CHRNB4: variants seen among roughly 807,000 people sequenced by gnomAD.
CHRNB4 encodes cholinergic receptor nicotinic beta 4 subunit.
In CHRNB4, 23 loss-of-function variants were observed where a neutral mutation model predicts 40.4. The ratio of observed to expected loss-of-function variants is 0.57; its 90% CI spans 0.41 to 0.81. The LOEUF (loss-of-function observed/expected upper bound fraction) is 0.81, where lower values mean the gene tolerates loss of function less well. Ranked by LOEUF, CHRNB4 falls within the 30% of genes least tolerant of loss-of-function variation. The pLI is 0.00. For synonymous variants in CHRNB4, 285 were observed against 274.4 expected (o/e 1.04, Z -0.38); for missense variants, 568 against 670.6 (o/e 0.85, Z 1.69).
At chr15:78,649,652 G>C (rs1033452488) in intron 6 of CHRNB4, among the ~76,000 whole-genome samples, 1 of 152,046 alleles carries the variant, frequency 6.6e-6, no homozygotes, top group African/African-American at 2.4e-5. Context: ...AAAAAGTTTT[G>C]AATATGTACA....
chr15:78,633,810 G>A (rs2053887174), intron 2 of CHRNB4, among the ~76,000 whole-genome samples: 1 of 151,892 alleles, frequency 6.6e-6, no homozygotes, highest in South Asian at 2.1e-4. Context: ...TCAGAGGAGA[G>A]TCAAGGACAT....
chr15:78,625,134 C>T lies in CHRNB4; in HGVS notation c.1496G>A (p.Ter499=). 1 of 1,614,102 alleles carries T rather than the reference C, an allele frequency of 6.2e-7. No individual in the cohort carries two copies. The highest frequency in any genetic ancestry group is 2.2e-5 in the East Asian group (1 of 44,886). Residue 499 remains the stop codon, a stop_retained_variant, in exon 6 of 6, where the codon TGA becomes TAA. Transcript: ENST00000261751. The part of the protein sequence containing the change: ...SEGPYAAQRD[*] ...CTCACCCCACAACCCAGGGGGCCCTCAGTCACGCTGGGCAGCGTAGGGCCC... is the reference window on the plus strand; with the variant it reads ...CTCACCCCACAACCCAGGGGGCCCTTAGTCACGCTGGGCAGCGTAGGGCCC...
intron 1 of CHRNB4, among the ~76,000 whole-genome samples, chr15:78,639,165 C>T (rs561731365): frequency 1.3e-5 from 2 of 152,158 alleles, no homozygotes; most frequent in Non-Finnish European, 2.9e-5. Flanking sequence ...ATACAAACTA[C>T]AGAAAGTAAC....
chr15:78,643,866 T>C (rs1217221961), upstream of CHRNB4, among the ~76,000 whole-genome samples: 1 of 151,892 alleles, frequency 6.6e-6, no homozygotes, highest in Non-Finnish European at 1.5e-5. Flanking sequence ...AAAGAGATTC[T>C]AGGCCGGGCA....
upstream of CHRNB4, among the ~76,000 whole-genome samples, chr15:78,645,640 C>T (rs937139308): frequency 1.2e-4 from 19 of 152,088 alleles, no homozygotes; most frequent in African/African-American, 4.6e-4. Context: ...TTCTTCCCTT[C>T]CCTATCTCAC....
At chr15:78,654,359 A>G (rs2054195617) in intron 5 of CHRNB4, among the ~76,000 whole-genome samples, 1 of 152,184 alleles carries the variant, frequency 6.6e-6, no homozygotes. Context: ...GACACCTTAA[A>G]CAATAACAAT....
chr15:78,635,610 C>T (rs201395114), intron 1 of CHRNB4, 23 bp from the exon 2 acceptor site: 3 of 1,613,034 alleles, frequency 1.9e-6, no homozygotes, highest in African/African-American at 2.7e-5. Flanking sequence ...ACAGTCAGAC[C>T]TGCTGGGCCC....
At chr15:78,646,057 C>CAA (rs370310559), upstream of CHRNB4, among the ~76,000 whole-genome samples, 1,028 of 113,508 alleles carry the variant, frequency 9.1e-3, 17 homozygotes, top group African/African-American at 0.022. Context: ...GAGACCGTCT[C>CAA]AAAAAAAAAA....
intron 1 of CHRNB4, among the ~76,000 whole-genome samples, chr15:78,658,804 C>T (rs2054232694): frequency 6.6e-6 from 1 of 152,068 alleles, no homozygotes. Flanking sequence ...AAAGCAGTGG[C>T]CTCCAAATAA....
chr15:78,639,245 T>G (rs1469532145), intron 1 of CHRNB4, among the ~76,000 whole-genome samples: 1 of 152,140 alleles, frequency 6.6e-6, no homozygotes, highest in African/African-American at 2.4e-5. Flanking sequence ...TCAACTGGGG[T>G]GTATGTCCTT....
intron 2 of CHRNB4, chr15:78,634,485 G>A (rs753993648): frequency 1.5e-5 from 5 of 323,968 alleles, no homozygotes; most frequent in Non-Finnish European, 3.1e-5. Context: ...CCCATCCTGG[G>A]GCTGTGCGTC....
chr15:78,639,760 T>C, intron 1 of CHRNB4, among the ~76,000 whole-genome samples: 1 of 152,068 alleles, frequency 6.6e-6, no homozygotes, highest in East Asian at 1.9e-4. Flanking sequence ...CTGTACAGGG[T>C]GATACAGGCT....
chr15:78,638,732 CCAGCA>C (rs1486359516), intron 1 of CHRNB4, among the ~76,000 whole-genome samples: 1 of 152,242 alleles, frequency 6.6e-6, no homozygotes, highest in Non-Finnish European at 1.5e-5. Flanking sequence ...CCAGCCCAGC[CCAGCA>C]CATGCTTAGA....
intron 2 of CHRNB4, among the ~76,000 whole-genome samples, chr15:78,634,059 A>G (rs1348832476): frequency 6.6e-6 from 1 of 152,100 alleles, no homozygotes; most frequent in African/African-American, 2.4e-5. Context: ...AAAAATTTCC[A>G]TCTTTAAACT....
At chr15:78,634,722 A>C in intron 2 of CHRNB4, 1 of 456,010 alleles carries the variant, frequency 2.2e-6, no homozygotes. Context: ...AGCTTCTTCC[A>C]GGGACGGAGT....
chr15:78,642,261 TGG>T (rs1356928781), upstream of CHRNB4, among the ~76,000 whole-genome samples: 1 of 152,242 alleles, frequency 6.6e-6, no homozygotes, highest in Non-Finnish European at 1.5e-5. Context: ...TGGGATGCTT[TGG>T]AGAAGTTAGG....
Position 78,629,616 on chromosome 15 carries a change from C to A in CHRNB4, c.689G>T (p.Arg230Leu). The A allele has an allele frequency of 1.2e-6, 2 of 1,614,030 alleles. No individual in the cohort carries two copies. Among genetic ancestry groups the A allele is most frequent in the Non-Finnish European group, 1.7e-6 (2 of 1,180,000 alleles). The change falls in exon 5 of 6, where the codon CGC (arginine) becomes CTC (leucine). Residue 230 changes from arginine to leucine, a missense_variant. Around this residue, in one of 4 missense-constraint regions of CHRNB4, gnomAD observed 127 missense variants for 167.4 expected, o/e 0.76. Transcript: ENST00000261751. This position sits in a 1 kb window ranked among gnomAD's most constrained non-coding sequence, Gnocchi z 6.8. ...GTTGATGGTGTAGAACAGAGGCTTGCGCTTGATGATGAAGTCGTAAGTCAC... is the reference window on the plus strand; with the variant it reads ...GTTGATGGTGTAGAACAGAGGCTTGAGCTTGATGATGAAGTCGTAAGTCAC... ...VDVTYDFIIK[R>L]KPLFYTINLI...
chr15:78,634,750 G>A (rs1192688713), intron 2 of CHRNB4: 1 of 455,820 alleles, frequency 2.2e-6, no homozygotes, highest in African/African-American at 2.0e-5. Flanking sequence ...CTGTGGATGG[G>A]GACATGGGAA....
chr15:78,648,060 C>T (rs2054140857), intron 7 of CHRNB4, among the ~76,000 whole-genome samples: 1 of 151,772 alleles, frequency 6.6e-6, no homozygotes, highest in East Asian at 1.9e-4. Context: ...GTCATAAGGG[C>T]GAGCCCTCGT....
Sources: gnomAD v4.1 joint callset for allele counts (sites outside exome capture counted in the v4.1 genomes callset) on GRCh38, gnomAD v4.1.1 for gene constraint, gnomAD v4.1.1 regional missense constraint, Gnocchi (gnomAD v3.1) non-coding constraint, MANE v1.5 for transcripts, NCBI Gene and HGNC (gene_info 2026-07-23, HGNC 2026-07-21) for gene names.